PTPRO: variants seen among roughly 807,000 people sequenced by gnomAD.
PTPRO encodes protein tyrosine phosphatase receptor type O, also known as receptor-type tyrosine-protein phosphatase O.
PTPRO carries 62 observed loss-of-function variants against 145.2 expected under a neutral mutation model. The ratio of observed to expected loss-of-function variants is 0.43; its 90% confidence interval spans 0.35 to 0.53. PTPRO has a LOEUF of 0.53. Ranked by LOEUF, PTPRO falls within the 20% of genes least tolerant of loss-of-function variation. The probability of loss-of-function intolerance (pLI) is 0.01; values close to 1 mark genes in which losing one functional copy is unlikely to be tolerated. For synonymous variants in PTPRO, 565 were observed against 514.7 expected, an observed-to-expected ratio of 1.10 and a Z score of -1.32; for missense variants, 1,345 against 1,482.7, an observed-to-expected ratio of 0.91 and a Z score of 1.53.
chr12:15,482,339 A>G (rs958305021), intron 1 of PTPRO, among the ~76,000 whole-genome samples: 2 of 152,118 alleles, frequency 1.3e-5, no homozygotes, highest in African/African-American at 4.8e-5. Context: ...AAAACTTGCA[A>G]GTTGCTCTAG....
At chr12:15,388,869 T>C (rs1265370550) in intron 1 of PTPRO, among the ~76,000 whole-genome samples, 1 of 152,114 alleles carries the variant, frequency 6.6e-6, no homozygotes, top group Non-Finnish European at 1.5e-5. Context: ...ACATGTGATA[T>C]CTGGTTTTTT....
At chr12:15,379,496 A>G in intron 1 of PTPRO, among the ~76,000 whole-genome samples, 1 of 140,552 alleles carries the variant, frequency 7.1e-6, no homozygotes. Flanking sequence ...GTGCCATTGC[A>G]CTCCAGCCTA....
chr12:15,341,399 C>T (rs925514406), intron 1 of PTPRO, among the ~76,000 whole-genome samples: 7 of 152,086 alleles, frequency 4.6e-5, no homozygotes, highest in African/African-American at 1.4e-4. Context: ...TGTCATACCC[C>T]CTCCTCTGTA....
chr12:15,455,018 C>T (rs1841944620), intron 1 of PTPRO, among the ~76,000 whole-genome samples: 1 of 152,096 alleles, frequency 6.6e-6, no homozygotes. Flanking sequence ...ATGCCTCCAG[C>T]TTTGTTCTTT....
At chr12:15,527,609 A>G (rs1942868208) in intron 12 of PTPRO, among the ~76,000 whole-genome samples, 1 of 152,182 alleles carries the variant, frequency 6.6e-6, no homozygotes, top group African/African-American at 2.4e-5. Flanking sequence ...TGAGCCCCCC[A>G]GCTAACTTTG....
rs560666841 is a variant in PTPRO, at chr12:15,403,737, T to C, written c.76-80237T>C. Among the ~76,000 whole-genome samples, 7 of 152,274 alleles carry C rather than the reference T, an allele frequency of 4.6e-5. No homozygotes were observed. The South Asian group carries it at 1.2e-3, about 27-fold the overall frequency. ...CAGTGTCCCTTGTTCATTTCCTTCATGGTACTTAGCTCAATTTATAATTTT... is the reference window on the plus strand; with the variant it reads ...CAGTGTCCCTTGTTCATTTCCTTCACGGTACTTAGCTCAATTTATAATTTT... On this transcript the variant is annotated intron_variant, in intron 1 of 26. Coordinates refer to ENST00000281171, the MANE Select transcript of PTPRO (RefSeq NM_030667.3).
intron 1 of PTPRO, among the ~76,000 whole-genome samples, chr12:15,471,763 A>G (rs539151259): frequency 6.6e-6 from 1 of 152,286 alleles, no homozygotes; most frequent in Admixed American, 6.5e-5. Flanking sequence ...CCCAAAATAT[A>G]TCTGAGGAAT....
intron 1 of PTPRO, among the ~76,000 whole-genome samples, chr12:15,370,487 A>G (rs1006171850): frequency 2.4e-4 from 37 of 152,186 alleles, no homozygotes; most frequent in Non-Finnish European, 4.6e-4. Context: ...GCATATAGAA[A>G]ACTTCTCAAA....
chr12:15,473,516 A>G (rs1941586739), intron 1 of PTPRO, among the ~76,000 whole-genome samples: 1 of 152,212 alleles, frequency 6.6e-6, no homozygotes, highest in East Asian at 1.9e-4. Flanking sequence ...CTGTAATCCC[A>G]GCACTTTGAG....
At chr12:15,468,633 C>A (rs1941471109) in intron 1 of PTPRO, among the ~76,000 whole-genome samples, 1 of 152,230 alleles carries the variant, frequency 6.6e-6, no homozygotes, top group African/African-American at 2.4e-5. Context: ...GCTTTTTCCA[C>A]TTGCAATTAT....
At chr12:15,503,775 G>C in intron 5 of PTPRO, 133 bp from the exon 6 acceptor site, 2 of 642,808 alleles carry the variant, frequency 3.1e-6, no homozygotes, top group South Asian at 4.0e-5. Context: ...CTTTAGTTTA[G>C]AGGTGTAATT....
intron 1 of PTPRO, among the ~76,000 whole-genome samples, chr12:15,441,914 T>C (rs1940776986): frequency 6.6e-6 from 1 of 152,126 alleles, no homozygotes; most frequent in Non-Finnish European, 1.5e-5. Context: ...ACAGCCAAAT[T>C]CTACCAGATG....
Position 15,570,322 on chromosome 12 carries a change from G to GTT in PTPRO, c.2829+835_2829+836dup, listed in dbSNP as rs111336006. Among the ~76,000 whole-genome samples, 809 of 146,170 alleles carry GTT rather than the reference G, an allele frequency of 5.5e-3. 9 individuals are homozygous for GTT. Among genetic ancestry groups the GTT allele is most frequent in the East Asian group, 0.037 (187 of 5,030 alleles). On this transcript the variant is annotated intron_variant, in intron 19 of 26. Transcript: ENST00000281171. ...TAAAGTGATTTTTCTAAATTCTGTAGTTTTTTTTTTTTATAAAGCCTTTTA... is the reference window on the plus strand; with the variant it reads ...TAAAGTGATTTTTCTAAATTCTGTAGTTTTTTTTTTTTTTATAAAGCCTTTTA...
intron 21 of PTPRO, 49 bp from the exon 22 acceptor site, chr12:15,580,648 G>C (rs1371426473): frequency 6.2e-7 from 1 of 1,612,474 alleles, no homozygotes; most frequent in South Asian, 1.1e-5. Context: ...AGCAGCATTT[G>C]GTGTTGACAG....
intron 12 of PTPRO, 79 bp downstream of exon 12, chr12:15,526,341 C>A: frequency 6.4e-7 from 1 of 1,567,348 alleles, no homozygotes; most frequent in South Asian, 1.1e-5. Flanking sequence ...CTCCTCAATT[C>A]AATGAAATAA....
chr12:15,561,818 T>A (rs1409859831), intron 17 of PTPRO, among the ~76,000 whole-genome samples: 1 of 152,148 alleles, frequency 6.6e-6, no homozygotes, highest in African/African-American at 2.4e-5. Flanking sequence ...CATATATCAT[T>A]TCCTTGCTTA....
intron 25 of PTPRO, among the ~76,000 whole-genome samples, chr12:15,591,143 C>T (rs774992969): frequency 3.3e-5 from 5 of 151,938 alleles, no homozygotes; most frequent in South Asian, 2.1e-4. Context: ...CTGAGGCGTG[C>T]GGATCACCTG....
chr12:15,563,377 G>T (rs566674664), intron 17 of PTPRO, among the ~76,000 whole-genome samples: 2 of 152,036 alleles, frequency 1.3e-5, no homozygotes, highest in South Asian at 4.1e-4. Flanking sequence ...CTTAATTTGC[G>T]TGAATTTTCC....
intron 1 of PTPRO, among the ~76,000 whole-genome samples, chr12:15,416,911 A>T (rs1033807457): frequency 1.3e-5 from 2 of 151,518 alleles, no homozygotes; most frequent in African/African-American, 4.9e-5. Context: ...AATATACTGT[A>T]TGGGGAGAAG....
Sources: gnomAD v4.1 joint callset for allele counts (sites outside exome capture counted in the v4.1 genomes callset) on GRCh38, gnomAD v4.1.1 for gene constraint, MANE v1.5 for transcripts, NCBI Gene and HGNC (gene_info 2026-07-23, HGNC 2026-07-21) for gene names.